Variants in ST6GALNAC3 observed in about 807,000 individuals in gnomAD.
ST6GALNAC3 encodes alpha-N-acetylgalactosaminide alpha-2,6-sialyltransferase 3.
ST6GALNAC3 carries 25 observed loss-of-function variants against 32.7 expected under a neutral mutation model. That is an observed-to-expected ratio of 0.76 (90% CI 0.56 to 1.07). The LOEUF is 1.07. ST6GALNAC3 is among the 50% of genes least tolerant of loss of function. The pLI is 0.00. For missense variants in ST6GALNAC3, 355 were observed against 382.4 expected, an observed-to-expected ratio of 0.93 and a Z score of 0.60; for synonymous variants, 129 against 133.1, an observed-to-expected ratio of 0.97 and a Z score of 0.21.
At chr1:76,416,128 C>T (rs889820913) in intron 3 of ST6GALNAC3, among the ~76,000 whole-genome samples, 2 of 151,492 alleles carry the variant, frequency 1.3e-5, no homozygotes, top group Non-Finnish European at 2.9e-5. Flanking sequence ...ATGGTAAACA[C>T]TTTAAGGATA....
chr1:76,296,835 C>T (rs1320057159), intron 1 of ST6GALNAC3, among the ~76,000 whole-genome samples: 1 of 151,914 alleles, frequency 6.6e-6, no homozygotes, highest in Admixed American at 6.6e-5. Context: ...CTGCCATCAA[C>T]TTTATTATTT....
At chr1:76,112,676 G>T (rs1380855092) in intron 1 of ST6GALNAC3, among the ~76,000 whole-genome samples, 2 of 151,242 alleles carry the variant, frequency 1.3e-5, no homozygotes, top group Non-Finnish European at 2.9e-5. Context: ...CGGTTGCCAG[G>T]CAGAGGGTCT....
chr1:76,529,743 A>C (rs866831894), intron 3 of ST6GALNAC3, among the ~76,000 whole-genome samples: 16 of 152,294 alleles, frequency 1.1e-4, no homozygotes, highest in African/African-American at 3.6e-4. Flanking sequence ...GAGGGACAGC[A>C]ATGAGTATGA....
chr1:76,169,908 A>G (rs1233999800), intron 1 of ST6GALNAC3, among the ~76,000 whole-genome samples: 1 of 152,050 alleles, frequency 6.6e-6, no homozygotes, highest in African/African-American at 2.4e-5. Flanking sequence ...CATTTGGAGG[A>G]ATGAAAGCAC....
chr1:76,203,407 T>C (rs994066789), intron 1 of ST6GALNAC3, among the ~76,000 whole-genome samples: 1 of 152,210 alleles, frequency 6.6e-6, no homozygotes, highest in Non-Finnish European at 1.5e-5. Flanking sequence ...AGTCTGCGGT[T>C]GGTAAGTTTT....
chr1:76,205,605 A>T (rs1336630481), intron 1 of ST6GALNAC3, among the ~76,000 whole-genome samples: 3 of 152,186 alleles, frequency 2.0e-5, no homozygotes, highest in Admixed American at 6.5e-5. Context: ...GTTAGCATGC[A>T]GTTATGAATG....
At chr1:76,175,346 C>A (rs941535592) in intron 1 of ST6GALNAC3, among the ~76,000 whole-genome samples, 1 of 152,118 alleles carries the variant, frequency 6.6e-6, no homozygotes, top group Non-Finnish European at 1.5e-5. Context: ...CCATTTTTAA[C>A]CCATTGGATA....
At chr1:76,478,657 G>A (rs1019776613) in intron 3 of ST6GALNAC3, among the ~76,000 whole-genome samples, 1 of 150,860 alleles carries the variant, frequency 6.6e-6, no homozygotes, top group Non-Finnish European at 1.5e-5. Context: ...GATACCCCTA[G>A]TACTACTATT....
At chr1:76,430,573 C>G (rs1477818482) in intron 3 of ST6GALNAC3, among the ~76,000 whole-genome samples, 1 of 152,170 alleles carries the variant, frequency 6.6e-6, no homozygotes, top group Non-Finnish European at 1.5e-5. Flanking sequence ...CAAGAGTTGA[C>G]TTTTTCCATG....
At chr1:76,106,617 G>C (rs1647553718) in intron 1 of ST6GALNAC3, among the ~76,000 whole-genome samples, 1 of 152,124 alleles carries the variant, frequency 6.6e-6, no homozygotes, top group Non-Finnish European at 1.5e-5. Context: ...TCACTTGGTG[G>C]GGTGAGGTGG....
At chr1:76,159,027 G>A (rs1040289810) in intron 1 of ST6GALNAC3, among the ~76,000 whole-genome samples, 2 of 152,172 alleles carry the variant, frequency 1.3e-5, no homozygotes, top group Non-Finnish European at 2.9e-5. Context: ...TTTCCTGGGG[G>A]TGTGATGGAG....
intron 3 of ST6GALNAC3, among the ~76,000 whole-genome samples, chr1:76,610,423 A>G (rs1294969272): frequency 1.3e-5 from 2 of 152,156 alleles, no homozygotes; most frequent in Non-Finnish European, 2.9e-5. Flanking sequence ...ACTGCAGAAC[A>G]GGGAAGCATC....
chr1:76,300,061 C>G (rs1180321071), intron 1 of ST6GALNAC3, among the ~76,000 whole-genome samples: 2 of 151,978 alleles, frequency 1.3e-5, no homozygotes, highest in African/African-American at 2.4e-5. Context: ...GAGACTGAAC[C>G]TGATCTATTC....
chr1:76,185,443 G>C (rs1237397097), intron 1 of ST6GALNAC3, among the ~76,000 whole-genome samples: 1 of 152,112 alleles, frequency 6.6e-6, no homozygotes, highest in Non-Finnish European at 1.5e-5. Context: ...ACAGTGCCTG[G>C]AACATAGTCA....
chr1:76,324,731 A>G (rs1277092825), intron 2 of ST6GALNAC3, among the ~76,000 whole-genome samples: 1 of 152,202 alleles, frequency 6.6e-6, no homozygotes, highest in Non-Finnish European at 1.5e-5. Context: ...AAAACTAAGT[A>G]TGAGTAAAGT....
At chr1:76,559,518 C>T (rs570320967) in intron 3 of ST6GALNAC3, among the ~76,000 whole-genome samples, 9 of 152,220 alleles carry the variant, frequency 5.9e-5, no homozygotes, top group South Asian at 4.2e-4. Context: ...ACAATAGATA[C>T]GTTAAACTTT....
At chr1:76,592,925 T>C (rs1341282580) in intron 3 of ST6GALNAC3, among the ~76,000 whole-genome samples, 3 of 152,142 alleles carry the variant, frequency 2.0e-5, no homozygotes, top group African/African-American at 7.2e-5. Flanking sequence ...CAAAGACTAT[T>C]TTATACAAAT....
intron 3 of ST6GALNAC3, among the ~76,000 whole-genome samples, chr1:76,547,214 A>C (rs973786743): frequency 6.6e-6 from 1 of 152,220 alleles, no homozygotes; most frequent in Non-Finnish European, 1.5e-5. Flanking sequence ...TTTGTTTGCC[A>C]AAAGAGTATA....
intron 3 of ST6GALNAC3, among the ~76,000 whole-genome samples, chr1:76,492,262 G>C (rs1056457088): frequency 1.3e-5 from 2 of 151,974 alleles, no homozygotes; most frequent in East Asian, 3.9e-4. Flanking sequence ...AAATTACTAA[G>C]AAGTCCTTAC....
Sources: gnomAD v4.1 joint callset for allele counts (sites outside exome capture counted in the v4.1 genomes callset) on GRCh38, gnomAD v4.1.1 for gene constraint, MANE v1.5 for transcripts, NCBI Gene and HGNC (gene_info 2026-07-23, HGNC 2026-07-21) for gene names.